The following NDST4 variants were observed in gnomAD, a reference collection of about 807,000 sequenced individuals.
NDST4 encodes the protein N-deacetylase and N-sulfotransferase 4, also known as N-heparan sulfate sulfotransferase 4.
A neutral mutation model predicts 100.8 loss-of-function variants in NDST4; 63 were observed. That is an observed-to-expected ratio of 0.62 (90% CI 0.51 to 0.77). The LOEUF (loss-of-function observed/expected upper bound fraction) is 0.77. Among genes scored for constraint, NDST4 ranks in the 30% least tolerant of loss-of-function variants. NDST4 has a pLI of 0.00. For synonymous variants in NDST4, 377 were observed against 361.8 expected (o/e 1.04, Z -0.48); for missense variants, 943 against 1,018.4 (o/e 0.93, Z 1.01).
intron 6 of NDST4, among the ~76,000 whole-genome samples, chr4:114,892,643 T>C (rs1724623732): frequency 6.6e-6 from 1 of 152,004 alleles, no homozygotes. Flanking sequence ...GAGTTAGAAA[T>C]GGGTATACCG....
chr4:114,860,725 C>T (rs1723901023), intron 7 of NDST4, among the ~76,000 whole-genome samples: 1 of 152,136 alleles, frequency 6.6e-6, no homozygotes. Context: ...TTTTATTTAG[C>T]CAATGTATTT....
intron 10 of NDST4, among the ~76,000 whole-genome samples, chr4:114,844,267 A>T (rs909401771): frequency 1.2e-4 from 18 of 152,194 alleles, no homozygotes; most frequent in Non-Finnish European, 2.9e-5. Context: ...CAAATAGCAG[A>T]TAATGTGATG....
intron 4 of NDST4, among the ~76,000 whole-genome samples, chr4:114,940,844 C>T (rs904901836): frequency 6.6e-6 from 1 of 152,200 alleles, no homozygotes; most frequent in Non-Finnish European, 1.5e-5. Context: ...AGCTGCTACC[C>T]TCTGGCATCC....
intron 2 of NDST4, among the ~76,000 whole-genome samples, chr4:115,039,160 A>C (rs1362553001): frequency 6.6e-6 from 1 of 152,174 alleles, no homozygotes; most frequent in African/African-American, 2.4e-5. Context: ...AACTACCTAT[A>C]GGTGAGAAAT....
intron 1 of NDST4, among the ~76,000 whole-genome samples, chr4:115,099,074 C>T (rs1249643018): frequency 2.0e-5 from 3 of 152,158 alleles, no homozygotes; most frequent in Non-Finnish European, 2.9e-5. Context: ...TCAATAAACC[C>T]TGCTGGTACA....
intron 2 of NDST4, among the ~76,000 whole-genome samples, chr4:115,065,396 T>C (rs1728926389): frequency 6.6e-6 from 1 of 152,114 alleles, no homozygotes; most frequent in South Asian, 2.1e-4. Context: ...AAAAGAGAGT[T>C]TAAACATTCA....
intron 1 of NDST4, among the ~76,000 whole-genome samples, chr4:115,083,907 T>C (rs1477060248): frequency 1.3e-5 from 2 of 152,074 alleles, no homozygotes; most frequent in South Asian, 2.1e-4. Flanking sequence ...TGTTTCTTCA[T>C]AGAAGCGTGA....
intron 6 of NDST4, among the ~76,000 whole-genome samples, chr4:114,900,707 A>G (rs948303330): frequency 1.3e-5 from 2 of 152,158 alleles, no homozygotes; most frequent in Non-Finnish European, 2.9e-5. Context: ...TAACATTCAC[A>G]CAAAATTACC....
At chr4:114,848,788 C>T (rs1247982003) in intron 8 of NDST4, among the ~76,000 whole-genome samples, 2 of 152,190 alleles carry the variant, frequency 1.3e-5, no homozygotes, top group East Asian at 3.9e-4. Context: ...ATGTGCTACT[C>T]TGTGTATGGT....
intron 2 of NDST4, among the ~76,000 whole-genome samples, chr4:115,014,201 C>T (rs538501774): frequency 5.9e-5 from 9 of 152,206 alleles, no homozygotes; most frequent in Admixed American, 5.9e-4. Context: ...TGCTTTTGCA[C>T]TACCCTGAGT....
chr4:114,839,757 A>G (rs541104613), intron 10 of NDST4, among the ~76,000 whole-genome samples: 3 of 152,358 alleles, frequency 2.0e-5, no homozygotes, highest in African/African-American at 7.2e-5. Context: ...AACCGTATAC[A>G]TTGGAATACC....
In NDST4 at chr4:114,986,828, A is replaced by T. The variant is rs1237044326; in HGVS notation, c.979-9554T>A. Among the ~76,000 whole-genome samples the T allele has an allele frequency of 3.9e-3, 438 of 112,842 alleles. 19 individuals are homozygous for T. Among genetic ancestry groups the T allele is most frequent in the African/African-American group, 0.012 (350 of 28,086 alleles). 74.0% of individuals were successfully genotyped at this position (112,842 alleles called of 152,430 possible). A position where few individuals can be genotyped will look rare whatever the true frequency, so the allele number is the denominator to read the frequency against. On this transcript the variant is annotated intron_variant, in intron 2 of 13. Transcript: ENST00000264363. ...TATATATATATATATATATATATAT[A>T]TATATTTTAATATACTATTCCTATA...
intron 1 of NDST4, among the ~76,000 whole-genome samples, chr4:115,092,599 T>C (rs1729541331): frequency 6.6e-6 from 1 of 151,616 alleles, no homozygotes; most frequent in African/African-American, 2.4e-5. Flanking sequence ...ATAAATGGAG[T>C]AAAATGTTCT....
intron 1 of NDST4, among the ~76,000 whole-genome samples, chr4:115,091,367 A>G (rs1196190558): frequency 6.6e-6 from 1 of 152,120 alleles, no homozygotes. Flanking sequence ...TTTATTTTTT[A>G]AGAATCCAAA....
intron 2 of NDST4, among the ~76,000 whole-genome samples, chr4:115,060,125 T>A (rs1322125841): frequency 1.3e-5 from 2 of 151,988 alleles, no homozygotes; most frequent in African/African-American, 4.8e-5. Flanking sequence ...ATACAAATCA[T>A]TCAAGGGGAA....
chr4:115,017,050 A>G (rs1047036211), intron 2 of NDST4, among the ~76,000 whole-genome samples: 40 of 151,832 alleles, frequency 2.6e-4, no homozygotes, highest in African/African-American at 9.2e-4. Context: ...GTTTTTCTAT[A>G]ACGAAATCTA....
rs563803300 is a variant in NDST4, at chr4:114,993,302, A to G, written c.979-16028T>C. Among the ~76,000 whole-genome samples, 108 of 152,026 alleles carry G rather than the reference A, an allele frequency of 7.1e-4. 1 individual carries two copies. Among genetic ancestry groups the G allele is most frequent in the East Asian group, 5.8e-4 (3 of 5,172 alleles). On this transcript the variant is annotated intron_variant, in intron 2 of 13. Transcript: ENST00000264363. ...TTTAGGATTCATCTATTTGGACAAT[A>G]TCTGTATTAGTTGTGCATTTCTTCA...
intron 6 of NDST4, among the ~76,000 whole-genome samples, chr4:114,892,244 G>A (rs1412566349): frequency 6.6e-6 from 1 of 152,036 alleles, no homozygotes; most frequent in Non-Finnish European, 1.5e-5. Context: ...TTAAGAGTTG[G>A]TAATACATAC....
At chr4:115,011,729 T>G (rs1727551777) in intron 2 of NDST4, among the ~76,000 whole-genome samples, 1 of 151,816 alleles carries the variant, frequency 6.6e-6, no homozygotes, top group South Asian at 2.1e-4. Context: ...GAACTTACTT[T>G]ATTTTATATT....
Sources: gnomAD v4.1 joint callset for allele counts (sites outside exome capture counted in the v4.1 genomes callset) on GRCh38, gnomAD v4.1.1 for gene constraint, MANE v1.5 for transcripts, NCBI Gene and HGNC (gene_info 2026-07-23, HGNC 2026-07-21) for gene names.